Variants in CYP26B1 observed in about 807,000 individuals in gnomAD.
CYP26B1 encodes the protein cytochrome P450 family 26 subfamily B member 1.
In CYP26B1, 8 loss-of-function variants were observed where a neutral mutation model predicts 39.1. The observed-to-expected ratio is 0.20, with a 90% CI of 0.12 to 0.37. CYP26B1 has a LOEUF of 0.37. Ranked by LOEUF, CYP26B1 falls within the 10% of genes least tolerant of loss-of-function variation. The probability of loss-of-function intolerance (pLI) is 1.00; values close to 1 mark genes in which losing one functional copy is unlikely to be tolerated. For synonymous variants in CYP26B1, 321 were observed against 314.3 expected (o/e 1.02, Z -0.23); for missense variants, 615 against 707.0 (o/e 0.87, Z 1.48).
At chr2:72,136,653 G>T (rs548867417) in intron 2 of CYP26B1, among the ~76,000 whole-genome samples, 19 of 152,200 alleles carry the variant, frequency 1.2e-4, no homozygotes, top group Non-Finnish European at 2.5e-4. Context: ...ATAGGAGGTC[G>T]CCTGGGTCAG....
rs367845016 is a variant in CYP26B1, at chr2:72,138,340, G to A, written c.430-2921C>T. On this transcript the variant is annotated intron_variant, in intron 2 of 5. Transcript: ENST00000001146. Reference sequence around the variant, plus strand: ...ACAAAGGATGGGCGGAGGCAGAGGCGCAGGCTGGGGCAGAGGGCGGCCAGG... The same window carrying A: ...ACAAAGGATGGGCGGAGGCAGAGGCACAGGCTGGGGCAGAGGGCGGCCAGG... Among the ~76,000 whole-genome samples, 39 of 152,256 alleles carry A rather than the reference G, an allele frequency of 2.6e-4. 1 individual carries two copies. In the East Asian group the frequency reaches 7.0e-3, roughly 27 times the overall value.
At position 72,147,567 on chromosome 2, in the gene CYP26B1, C is replaced by A; in HGVS notation, c.204+64G>T. The A allele has an allele frequency of 6.7e-7, 1 of 1,492,428 alleles. No homozygotes were observed. The highest frequency in any genetic ancestry group is 1.3e-5 in the South Asian group (1 of 79,460). The allele number at this position is 1,492,428 out of a possible 1,614,324, so 92.4% of individuals were successfully genotyped here. On this transcript the variant is annotated intron_variant, in intron 1 of 5. Transcript: ENST00000001146. The surrounding 1 kb of genome is among the most constrained non-coding windows in gnomAD (Gnocchi z 6.1). ...CCGGCGCCCCCTGGCCGGCCCGCCG[C>A]TCCGTCTGCCCCGCGCTCGCAGCTA...
chr2:72,133,302 C>G lies in CYP26B1; in HGVS notation c.867G>C (p.Gly289=), dbSNP rs1165504417. 1.9e-6 allele frequency: 3 copies of G among 1,604,200 alleles called. No individual in the cohort carries two copies. The highest frequency in any genetic ancestry group is 2.5e-6 in the Non-Finnish European group (3 of 1,179,354). Reference sequence around the variant, plus strand: ...AGGCCGCAAAGATCAGCTCCAGGGTCCCGTCCTGCAGGGCACAGAGGAGAG... The same window carrying G: ...AGGCCGCAAAGATCAGCTCCAGGGTGCCGTCCTGCAGGGCACAGAGGAGAG... ...KEMTMQELKD[G]TLELIFAAYA... Residue 289 remains glycine (G), a synonymous_variant, in exon 5 of 6, where the codon GGG becomes GGC. Coordinates refer to ENST00000001146, the MANE Select transcript of CYP26B1 (RefSeq NM_019885.4).
At chr2:72,135,086 C>A (rs1676722651) in intron 3 of CYP26B1, 58 bp downstream of exon 3, 3 of 1,609,524 alleles carry the variant, frequency 1.9e-6, no homozygotes, top group South Asian at 2.2e-5. Flanking sequence ...CCACCCACCC[C>A]CAGAGAGGGG....
Position 72,147,809 on chromosome 2 carries a change from A to G in CYP26B1, c.26T>C (p.Val9Ala). 1 of 1,545,528 alleles carries G rather than the reference A, an allele frequency of 6.5e-7. No homozygotes were observed. The highest frequency in any genetic ancestry group is 8.7e-7 in the Non-Finnish European group (1 of 1,145,622). ...CGCGGCGAGGGTGGCCAGCGCCGACACCAGATCCAAGCCCTCAAAGAGCAT... is the reference window on the plus strand; with the variant it reads ...CGCGGCGAGGGTGGCCAGCGCCGACGCCAGATCCAAGCCCTCAAAGAGCAT... MLFEGLDL[V>A]SALATLAACL... The change falls in exon 1 of 6, where the codon GTG becomes GCG. Residue 9 changes from valine (V) to alanine (A), a missense_variant. Physicochemically the swap from Val to Ala is moderately conservative, Grantham distance 64 (BLOSUM62 0). Transcript: ENST00000001146. The surrounding 1 kb of genome is among the most constrained non-coding windows in gnomAD (Gnocchi z 6.1).
chr2:72,130,711 A>G lies in CYP26B1; in HGVS notation c.*1516T>C, dbSNP rs1037057326. Reference sequence around the variant, plus strand: ...CCCCAGGAGGCATCCCAAATTGCCAACACTCAAAACGCCAGTGGCAGGAGC... The same window carrying G: ...CCCCAGGAGGCATCCCAAATTGCCAGCACTCAAAACGCCAGTGGCAGGAGC... On this transcript the variant is annotated 3_prime_UTR_variant, in exon 6 of 6. Transcript: ENST00000001146. 1 of 152,208 alleles carries G rather than the reference A, an allele frequency of 6.6e-6. No individual in the cohort carries two copies. The highest frequency in any genetic ancestry group is 2.4e-5 in the African/African-American group (1 of 41,436). The allele number at this position is 152,208 out of a possible 1,614,324, so 9.4% of individuals were successfully genotyped here. A position where few individuals can be genotyped will look rare whatever the true frequency, so the allele number is the denominator to read the frequency against.
In CYP26B1 at chr2:72,133,129, G is replaced by T; in HGVS notation, c.1040C>A (p.Thr347Lys). 3 of 1,613,020 alleles carry T rather than the reference G, an allele frequency of 1.9e-6. No individual in the cohort carries two copies. The highest frequency in any genetic ancestry group is 8.5e-7 in the Non-Finnish European group (1 of 1,179,938). Residue 347 changes from threonine to lysine, a missense_variant, in exon 5 of 6, where the codon ACG becomes AAG. Coordinates refer to ENST00000001146, the MANE Select transcript of CYP26B1 (RefSeq NM_019885.4). ...CPCEGTLRLD[T>K]LSGLRYLDCV... is the part of the protein sequence containing the mutation. ...GTCCAGGTAGCGCAGCCCACTGAGC[G>T]TGTCCAGGCGCAGTGTGCCCTCGCA...
At chr2:72,144,823 C>T (rs1211049510) in intron 1 of CYP26B1, among the ~76,000 whole-genome samples, 1 of 152,176 alleles carries the variant, frequency 6.6e-6, no homozygotes, top group African/African-American at 2.4e-5. Context: ...CGGAGACGGA[C>T]TTTGGTTGCC....
chr2:72,135,009 AC>A, intron 3 of CYP26B1, 93 bp from the exon 4 acceptor site: 2 of 1,599,900 alleles, frequency 1.3e-6, no homozygotes, highest in Non-Finnish European at 1.7e-6. Flanking sequence ...CTCCTACCCC[AC>A]GCTGACACCT....
At chr2:72,142,958 A>G (rs1209539839) in intron 2 of CYP26B1, 1 of 167,048 alleles carries the variant, frequency 6.0e-6, no homozygotes, top group East Asian at 1.9e-4. Flanking sequence ...CTGTTCAGAG[A>G]ACGTCAAGTG....
At chr2:72,137,491 G>A (rs1175024741) in intron 2 of CYP26B1, among the ~76,000 whole-genome samples, 1 of 152,108 alleles carries the variant, frequency 6.6e-6, no homozygotes, top group Non-Finnish European at 1.5e-5. Flanking sequence ...ATCCCCTGGG[G>A]AGTGCCTTCC....
Position 72,147,500 on chromosome 2 carries a change from G to C in CYP26B1, c.204+131C>G. On this transcript the variant is annotated intron_variant, in intron 1 of 5. Coordinates refer to ENST00000001146, the MANE Select transcript of CYP26B1 (RefSeq NM_019885.4). This position sits in a 1 kb window ranked among gnomAD's most constrained non-coding sequence, Gnocchi z 6.1. Reference sequence around the variant, plus strand: ...GGGAAGCCCGGGCTGCTGCGGCAGAGAGGAGGGAAGGGGCGGGGCGGGGAC... The same window carrying C: ...GGGAAGCCCGGGCTGCTGCGGCAGACAGGAGGGAAGGGGCGGGGCGGGGAC... The C allele has an allele frequency of 1.1e-6, 1 of 936,930 alleles. No homozygotes were observed. The highest frequency in any genetic ancestry group is 2.1e-5 in the South Asian group (1 of 48,740). 58.0% of individuals were successfully genotyped at this position (936,930 alleles called of 1,614,324 possible).
Position 72,130,232 on chromosome 2 carries a change from G to T in CYP26B1, c.*1995C>A, listed in dbSNP as rs1219735098. 1 of 152,358 alleles carries T rather than the reference G, an allele frequency of 6.6e-6. No homozygotes were observed. The highest frequency in any genetic ancestry group is 1.5e-5 in the Non-Finnish European group (1 of 68,168). 9.4% of individuals were successfully genotyped at this position (152,358 alleles called of 1,614,324 possible). ...CCCAGACACTGGTTTTGTGTTGGGG[G>T]GAGGGGGTACAGGTCCGGGTGCACC... On this transcript the variant is annotated 3_prime_UTR_variant, in exon 6 of 6. Transcript: ENST00000001146.
chr2:72,144,440 C>A, intron 1 of CYP26B1: 1 of 1,332,486 alleles, frequency 7.5e-7, no homozygotes, highest in Non-Finnish European at 9.6e-7. Context: ...CCAGGGGCAC[C>A]CCCAGGAGGC....
At chr2:72,140,356 C>T (rs529532516) in intron 2 of CYP26B1, among the ~76,000 whole-genome samples, 1 of 152,254 alleles carries the variant, frequency 6.6e-6, no homozygotes, top group South Asian at 2.1e-4. Flanking sequence ...TACCCGCCCC[C>T]CTCAGCAGCC....
At chr2:72,139,082 G>A (rs1676864606) in intron 2 of CYP26B1, among the ~76,000 whole-genome samples, 1 of 152,136 alleles carries the variant, frequency 6.6e-6, no homozygotes, top group South Asian at 2.1e-4. Context: ...TGGCAGGTGT[G>A]GACAGATGGA....
intron 1 of CYP26B1, among the ~76,000 whole-genome samples, chr2:72,144,693 A>G (rs531021028): frequency 6.6e-6 from 1 of 152,246 alleles, no homozygotes; most frequent in Non-Finnish European, 1.5e-5. Flanking sequence ...TGGGGGTTGG[A>G]GTTTCCTCCG....
chr2:72,135,134 G>A lies in CYP26B1; in HGVS notation c.705+10C>T, dbSNP rs1572923888. 2.5e-6 allele frequency: 4 copies of A among 1,612,696 alleles called. No homozygotes were observed. In the East Asian group the frequency reaches 6.7e-5, roughly 27 times the overall value. ...CCCTGCTCCTCTCCTCCCAGGCCCT[G>A]GGTGCTCACCCGCCGGTAGCCACTG... On this transcript the variant is annotated intron_variant, in intron 3 of 5. Transcript: ENST00000001146.
rs1274364128 is a variant in CYP26B1 at position 72,135,197 on chromosome 2, C to G, written c.652G>C (p.Val218Leu). Residue 218 changes from valine (V) to leucine (L), a missense_variant, in exon 3 of 6, where the codon GTG becomes CTG. By Grantham distance (32) the Val-to-Leu change is conservative. Coordinates refer to ENST00000001146, the MANE Select transcript of CYP26B1 (RefSeq NM_019885.4). ...GHLFEVYQQF[V>L]DNVFSLPVDL... is the part of the protein sequence containing the mutation. The stretch of plus-strand genomic sequence containing the variant: ...ACAGGCAGGGAGAAGACATTGTCCA[C>G]AAACTGCTGGTAGACCTCAAAGAGG... 6.2e-7 allele frequency: 1 copy of G among 1,614,070 alleles called. No homozygotes were observed. Among genetic ancestry groups the G allele is most frequent in the East Asian group, 2.2e-5 (1 of 44,868 alleles).
Sources: allele counts gnomAD v4.1 joint callset (sites outside exome capture counted in the v4.1 genomes callset), GRCh38; gene constraint gnomAD v4.1.1; non-coding constraint Gnocchi (gnomAD v3.1); transcripts MANE v1.5; gene names NCBI Gene and HGNC (gene_info 2026-07-23, HGNC 2026-07-21).